PTPRJ: variants seen among roughly 807,000 people sequenced by gnomAD.
The protein encoded by PTPRJ is receptor-type tyrosine-protein phosphatase eta.
In PTPRJ, 129 loss-of-function variants were observed where a neutral mutation model predicts 141.3. The observed-to-expected ratio is 0.91, with a 90% CI of 0.79 to 1.06. The LOEUF (loss-of-function observed/expected upper bound fraction) is 1.06. Among genes scored for constraint, PTPRJ ranks in the 50% least tolerant of loss-of-function variants. The pLI is 0.00. For missense variants in PTPRJ, 1,601 were observed against 1,679.7 expected, an observed-to-expected ratio of 0.95 and a Z score of 0.82; for synonymous variants, 610 against 640.5, an observed-to-expected ratio of 0.95 and a Z score of 0.72.
At chr11:48,112,609 T>C (rs1180491220) in intron 2 of PTPRJ, 138 bp from the exon 3 acceptor site, 4 of 680,862 alleles carry the variant, frequency 5.9e-6, no homozygotes, top group Non-Finnish European at 7.6e-6. Flanking sequence ...TTGTAGGTGA[T>C]GATACAAAGA....
intron 1 of PTPRJ, among the ~76,000 whole-genome samples, chr11:48,093,680 ATGT>A (rs1376047574): frequency 1.3e-5 from 2 of 152,158 alleles, no homozygotes; most frequent in African/African-American, 2.4e-5. Context: ...TAATAAGCAA[ATGT>A]TGTGAATTTG....
chr11:47,994,372 G>A (rs568508967), intron 1 of PTPRJ, among the ~76,000 whole-genome samples: 2 of 152,134 alleles, frequency 1.3e-5, no homozygotes, highest in Admixed American at 1.3e-4. Flanking sequence ...CAGTTGAGGT[G>A]GGCCGGGCAC....
intron 1 of PTPRJ, among the ~76,000 whole-genome samples, chr11:48,056,783 T>C (rs1854762554): frequency 6.6e-6 from 1 of 152,062 alleles, no homozygotes; most frequent in African/African-American, 2.4e-5. Context: ...TGAAACCCCG[T>C]CTCTACTAAA....
chr11:48,015,780 G>T (rs903774678), intron 1 of PTPRJ: 2 of 150,300 alleles, frequency 1.3e-5, no homozygotes, highest in East Asian at 3.9e-4. Flanking sequence ...GAACCTGGTG[G>T]AGGTCGGAGG....
At chr11:48,027,739 A>C (rs1853858559) in intron 1 of PTPRJ, among the ~76,000 whole-genome samples, 1 of 139,898 alleles carries the variant, frequency 7.1e-6, no homozygotes, top group Non-Finnish European at 1.5e-5. Context: ...TGCAGTGAGC[A>C]GAGATCATGC....
intron 21 of PTPRJ, among the ~76,000 whole-genome samples, chr11:48,156,920 AT>A (rs1857623114): frequency 6.6e-6 from 1 of 151,776 alleles, no homozygotes; most frequent in South Asian, 2.1e-4. Context: ...TCTCAGACTT[AT>A]CCCTGGATAA....
At chr11:48,156,234 T>C (rs913858154) in intron 21 of PTPRJ, 115 bp downstream of exon 21, 1 of 862,008 alleles carries the variant, frequency 1.2e-6, no homozygotes, top group African/African-American at 1.7e-5. Flanking sequence ...CATTAGCACT[T>C]TATTCTTATA....
intron 1 of PTPRJ, among the ~76,000 whole-genome samples, chr11:48,023,076 T>C (rs1464444618): frequency 6.6e-6 from 1 of 152,148 alleles, no homozygotes; most frequent in Admixed American, 6.5e-5. Flanking sequence ...TACAAATGGC[T>C]TCGTGTTATA....
At chr11:48,085,998 C>G (rs1235134451) in intron 1 of PTPRJ, among the ~76,000 whole-genome samples, 2 of 152,028 alleles carry the variant, frequency 1.3e-5, no homozygotes, top group Non-Finnish European at 2.9e-5. Flanking sequence ...GGTTGAGTCT[C>G]CTTCATCTCT....
At chr11:48,161,705 C>T (rs1019116157) in intron 22 of PTPRJ, among the ~76,000 whole-genome samples, 3 of 152,036 alleles carry the variant, frequency 2.0e-5, no homozygotes, top group Non-Finnish European at 4.4e-5. Flanking sequence ...CTCTGCCTCT[C>T]GGGTCCAAGT....
intron 1 of PTPRJ, among the ~76,000 whole-genome samples, chr11:47,997,865 A>AAGCGAGAGAGAGAATGCCTTCCAGCC (rs965355451): frequency 3.5e-5 from 4 of 114,674 alleles, no homozygotes; most frequent in Admixed American, 2.2e-4. Context: ...TCAGGGTGTA[A>AAGCGAGAGAGAGAATGCCTTCCAGCC]AGCGAGAGAG....
chr11:48,053,019 C>G (rs919304780), intron 1 of PTPRJ, among the ~76,000 whole-genome samples: 1 of 145,836 alleles, frequency 6.9e-6, no homozygotes, highest in African/African-American at 2.5e-5. Flanking sequence ...CCCTTACTGT[C>G]ATGTGAGAAT....
rs114972087 is a variant in PTPRJ, at chr11:48,060,469, A to T, written c.97-49589A>T. Among the ~76,000 whole-genome samples, 1,051 of 152,262 alleles carry T rather than the reference A, an allele frequency of 6.9e-3. 13 individuals are homozygous for T. Among genetic ancestry groups the T allele is most frequent in the African/African-American group, 0.024 (992 of 41,538 alleles). ...ATGTTGCCACACAAACAACAAAATA[A>T]ACCAGTGTGTTCCAAAAACAAGCAT... On this transcript the variant is annotated intron_variant, in intron 1 of 24. Transcript: ENST00000418331.
chr11:48,137,021 A>T lies in PTPRJ; in HGVS notation c.1892A>T (p.Asn631Ile). Residue 631 changes from asparagine to isoleucine, a missense_variant, in exon 10 of 25, where the codon AAC becomes ATC. Transcript: ENST00000418331. ...AATCAAGGGCCCAGCAATGTGTCCA[A>T]CATTGATGTAAGTACCAACACCACA... The part of the protein sequence containing the change: ...AQYTRPSNVS[N>I]IDVSTNTTAA... The T allele has an allele frequency of 6.2e-7, 1 of 1,605,142 alleles. No individual in the cohort carries two copies.
At chr11:48,060,804 T>C (rs1296740518) in intron 1 of PTPRJ, among the ~76,000 whole-genome samples, 1 of 152,160 alleles carries the variant, frequency 6.6e-6, no homozygotes, top group Non-Finnish European at 1.5e-5. Flanking sequence ...ATAGGTGGCT[T>C]CTTAGCGGGC....
intron 14 of PTPRJ, 65 bp downstream of exon 14, chr11:48,145,189 G>A: frequency 6.2e-7 from 1 of 1,604,904 alleles, no homozygotes; most frequent in African/African-American, 1.3e-5. Context: ...TCCATAGAAG[G>A]CCAGCTGTGT....
intron 22 of PTPRJ, among the ~76,000 whole-genome samples, chr11:48,161,308 TA>T (rs1357471372): frequency 6.6e-6 from 1 of 151,864 alleles, no homozygotes; most frequent in African/African-American, 2.4e-5. Flanking sequence ...GAATAGTGCA[TA>T]AAAGGAAAGC....
At chr11:48,101,889 G>T (rs1488061159) in intron 1 of PTPRJ, among the ~76,000 whole-genome samples, 1 of 152,180 alleles carries the variant, frequency 6.6e-6, no homozygotes, top group East Asian at 1.9e-4. Flanking sequence ...TGGTGGCAGT[G>T]TGAGGGGCTG....
intron 1 of PTPRJ, among the ~76,000 whole-genome samples, chr11:48,001,868 C>T (rs1255509555): frequency 1.3e-5 from 2 of 152,162 alleles, no homozygotes; most frequent in Middle Eastern, 3.2e-3. Flanking sequence ...GGTGCAGACA[C>T]TTGGTAAACC....
Sources: gnomAD v4.1 joint callset for allele counts (sites outside exome capture counted in the v4.1 genomes callset) on GRCh38, gnomAD v4.1.1 for gene constraint, MANE v1.5 for transcripts, NCBI Gene and HGNC (gene_info 2026-07-23, HGNC 2026-07-21) for gene names.